Variants in FBN1 observed in about 807,000 individuals in gnomAD.
FBN1 encodes the protein fibrillin 1, also known as fibrillin-1.
In FBN1, 29 loss-of-function variants were observed where a neutral mutation model predicts 365.1. The ratio of observed to expected loss-of-function variants is 0.08; its 90% CI spans 0.06 to 0.11. The LOEUF is 0.11. FBN1 is among the 10% of genes least tolerant of loss of function. The probability of loss-of-function intolerance (pLI) is 1.00; values close to 1 mark genes in which losing one functional copy is unlikely to be tolerated. For missense variants in FBN1, 2,476 were observed against 3,703.2 expected, an observed-to-expected ratio of 0.67 and a Z score of 8.60; for synonymous variants, 1,210 against 1,270.5, an observed-to-expected ratio of 0.95 and a Z score of 1.01.
chr15:48,469,083 TATATATATATAAAATATAATATATATTAC>T (rs1426642214), intron 36 of FBN1, among the ~76,000 whole-genome samples: 56 of 118,734 alleles, frequency 4.7e-4, no homozygotes, highest in African/African-American at 1.1e-3. Flanking sequence ...AAAAAAAATA[TATATATATATAAAATATAATATATATTAC>T]ATATATATAT....
chr15:48,550,281 C>T (rs2044131601), intron 6 of FBN1, among the ~76,000 whole-genome samples: 2 of 152,110 alleles, frequency 1.3e-5, no homozygotes, highest in South Asian at 4.2e-4. Context: ...AAGGGCAGAG[C>T]GTGTAGAAAG....
intron 17 of FBN1, among the ~76,000 whole-genome samples, chr15:48,500,314 A>C (rs2043643658): frequency 6.6e-6 from 1 of 152,248 alleles, no homozygotes; most frequent in Admixed American, 6.5e-5. Context: ...AAATGGAAGC[A>C]AATTATTGTC....
intron 2 of FBN1, among the ~76,000 whole-genome samples, chr15:48,619,974 T>C (rs775873202): frequency 3.0e-4 from 45 of 152,148 alleles, no homozygotes; most frequent in Non-Finnish European, 5.9e-4. Context: ...TTTTAAAAAT[T>C]AAATTAACCT....
Position 48,410,723 on chromosome 15 carries a change from A to G in FBN1, c.*267T>C, listed in dbSNP as rs2042853774. 4.6e-6 allele frequency: 2 copies of G among 436,892 alleles called. No homozygotes were observed. The highest frequency in any genetic ancestry group is 4.0e-5 in the African/African-American group (2 of 49,592). The allele number at this position is 436,892 out of a possible 1,614,324, so 27.1% of individuals were successfully genotyped here. A position where few individuals can be genotyped will look rare whatever the true frequency, so the allele number is the denominator to read the frequency against. On this transcript the variant is annotated 3_prime_UTR_variant, in exon 66 of 66. Coordinates refer to ENST00000316623, the MANE Select transcript of FBN1 (RefSeq NM_000138.5). Reference sequence around the variant, plus strand: ...ATGTCAGCATAAATGGCCAACCCCCAATGGAAATACACGTCCCAGTTTTCA... The same window carrying G: ...ATGTCAGCATAAATGGCCAACCCCCGATGGAAATACACGTCCCAGTTTTCA...
In FBN1 at chr15:48,415,749, C is replaced by T; in HGVS notation, c.7838G>A (p.Ser2613Asn). 2 of 1,614,186 alleles carry T rather than the reference C, an allele frequency of 1.2e-6. No individual in the cohort carries two copies. The highest frequency in any genetic ancestry group is 1.7e-6 in the Non-Finnish European group (2 of 1,179,992). Residue 2613 changes from serine (S) to asparagine (N), a missense_variant, in exon 64 of 66, where the codon AGC (serine) becomes AAC (asparagine). Ser to Asn is a conservative substitution (Grantham distance 46). Around this residue, in one of 5 missense-constraint regions of FBN1, gnomAD observed 1,780 missense variants for 2,840.8 expected, o/e 0.63. Transcript: ENST00000316623. ...GGAGGCTCCTCCGCAGATGTGAGCG[C>T]TGAGGCATTCGTTTTCATCTGCAGG... ...NQCVDENECL[S>N]AHICGGASCH...
intron 9 of FBN1, among the ~76,000 whole-genome samples, chr15:48,524,540 T>C (rs958341862): frequency 6.6e-6 from 1 of 152,204 alleles, no homozygotes; most frequent in African/African-American, 2.4e-5. Flanking sequence ...GATCATTTTG[T>C]ATGACAAGTG....
intron 2 of FBN1, among the ~76,000 whole-genome samples, chr15:48,614,099 G>C (rs2044677433): frequency 1.3e-5 from 2 of 152,136 alleles, no homozygotes; most frequent in Non-Finnish European, 2.9e-5. Flanking sequence ...ACTAAGTAAG[G>C]ATCCAATGAC....
In FBN1 at chr15:48,487,319, C is replaced by T. The variant is rs777442762; in HGVS notation, c.3456G>A (p.Ala1152=). ...PGHQLSPNIS[A]CIDINECELS... is the part of the protein sequence containing the mutation. ...GAAAGTCTTTCTCCTTACCGATACA[C>T]GCGGAGATGTTGGGGGACAGCTGAT... is the stretch of plus-strand genomic sequence containing the variant. Residue 1152 remains alanine (A), a synonymous_variant, in exon 28 of 66, where the codon GCG becomes GCA. Transcript: ENST00000316623. 22 of 1,614,226 alleles carry T rather than the reference C, an allele frequency of 1.4e-5. No homozygotes were observed. The highest frequency in any genetic ancestry group is 1.6e-4 in the Middle Eastern group (1 of 6,062).
At chr15:48,460,669 T>TA (rs2043274143) in intron 42 of FBN1, among the ~76,000 whole-genome samples, 1 of 152,138 alleles carries the variant, frequency 6.6e-6, no homozygotes, top group South Asian at 2.1e-4. Context: ...ACTCTGCATT[T>TA]AGAGATCTAG....
At chr15:48,631,794 GA>G (rs1889994485) in intron 2 of FBN1, among the ~76,000 whole-genome samples, 1 of 152,216 alleles carries the variant, frequency 6.6e-6, no homozygotes, top group Non-Finnish European at 1.5e-5. Flanking sequence ...TACTCCAACA[GA>G]GGCAATTAAA....
rs752872632 is a variant in FBN1 at position 48,421,999 on chromosome 15, G to C, written c.7523C>G (p.Thr2508Arg). ...FLCVNTIGGFTCKCPPGFTQH... is the reference protein window; with the variant it reads ...FLCVNTIGGFRCKCPPGFTQH... ...GGTAAATCCGGGAGGACATTTGCATGTGAAGCCGCCAATGGTGTTAACACA... is the reference window on the plus strand; with the variant it reads ...GGTAAATCCGGGAGGACATTTGCATCTGAAGCCGCCAATGGTGTTAACACA... The change falls in exon 61 of 66, where the codon ACA (threonine) becomes AGA (arginine). Residue 2508 changes from threonine (T) to arginine (R), a missense_variant. Around this residue, in one of 5 missense-constraint regions of FBN1, gnomAD observed 1,780 missense variants for 2,840.8 expected, o/e 0.63. Coordinates refer to ENST00000316623, the MANE Select transcript of FBN1 (RefSeq NM_000138.5). 1 of 1,613,998 alleles carries C rather than the reference G, an allele frequency of 6.2e-7. No individual in the cohort carries two copies. Among genetic ancestry groups the C allele is most frequent in the Non-Finnish European group, 8.5e-7 (1 of 1,179,990 alleles).
At chr15:48,600,317 T>C in intron 4 of FBN1, 83 bp from the exon 5 acceptor site, 5 of 1,001,484 alleles carry the variant, frequency 5.0e-6, no homozygotes, top group Middle Eastern at 4.1e-4. Flanking sequence ...TTGTAGTTAT[T>C]TGAAGAGAAA....
In FBN1 at chr15:48,437,265, A is replaced by C. The variant is rs1458969300; in HGVS notation, c.6379+57T>G. 2.0e-6 allele frequency: 3 copies of C among 1,489,630 alleles called. No homozygotes were observed. In the African/African-American group the frequency reaches 4.1e-5, roughly 21 times the overall value. The allele number at this position is 1,489,630 out of a possible 1,614,324, so 92.3% of individuals were successfully genotyped here. A position where few individuals can be genotyped will look rare whatever the true frequency, so the allele number is the denominator to read the frequency against. On this transcript the variant is annotated intron_variant, in intron 52 of 65. Coordinates refer to ENST00000316623, the MANE Select transcript of FBN1 (RefSeq NM_000138.5). ...GATGGAGAAAAATAAGAATAACTAG[A>C]GAAGAAGCAGATTGAGAATACTGAG...
intron 55 of FBN1, 28 bp from the exon 56 acceptor site, chr15:48,430,830 G>T: frequency 6.2e-7 from 1 of 1,611,210 alleles, no homozygotes; most frequent in East Asian, 2.2e-5. Flanking sequence ...TCACAAATTT[G>T]TCAAAGAAAA....
At position 48,463,184 on chromosome 15, in the gene FBN1, C is replaced by T; in HGVS notation, c.5122G>A (p.Gly1708Arg). ...TTGGTCATGTTGAATAACAATTCTC[C>T]ATCACAGGTCTGGTTGTCAGCATAG... is the stretch of plus-strand genomic sequence containing the variant. ...NYYADNQTCD[G>R]ELLFNMTKKM... Residue 1708 changes from glycine (G) to arginine (R), a missense_variant, in exon 42 of 66, where the codon GGA becomes AGA. By Grantham distance (125) the Gly-to-Arg change is moderately radical. This residue lies in a region of FBN1 where 1,780 missense variants were observed against 2,840.8 expected (regional missense o/e 0.63). Transcript: ENST00000316623. The T allele has an allele frequency of 6.2e-7, 1 of 1,614,060 alleles. No homozygotes were observed. The highest frequency in any genetic ancestry group is 8.5e-7 in the Non-Finnish European group (1 of 1,179,922).
chr15:48,529,474 A>G (rs932413227), intron 8 of FBN1: 3 of 152,030 alleles, frequency 2.0e-5, no homozygotes, highest in African/African-American at 7.3e-5. Flanking sequence ...AAGAGTGTGG[A>G]GGGCAGATGG....
At chr15:48,602,826 G>T (rs771095832) in intron 4 of FBN1, among the ~76,000 whole-genome samples, 2 of 152,148 alleles carry the variant, frequency 1.3e-5, no homozygotes, top group Non-Finnish European at 2.9e-5. Flanking sequence ...TCATGAAAAG[G>T]TGTATAGTTG....
chr15:48,554,338 A>C (rs989078207), intron 6 of FBN1, among the ~76,000 whole-genome samples: 2 of 152,218 alleles, frequency 1.3e-5, no homozygotes, highest in African/African-American at 4.8e-5. Context: ...GTCGAGATTG[A>C]AGCAACGTTC....
At chr15:48,515,618 C>A in intron 11 of FBN1, 91 bp from the exon 12 acceptor site, 1 of 1,541,078 alleles carries the variant, frequency 6.5e-7, no homozygotes, top group South Asian at 1.1e-5. Flanking sequence ...GATGTTGAAT[C>A]AGAAAGGAAA....
Sources: gnomAD v4.1 joint callset for allele counts (sites outside exome capture counted in the v4.1 genomes callset) on GRCh38, gnomAD v4.1.1 for gene constraint, gnomAD v4.1.1 regional missense constraint, MANE v1.5 for transcripts, NCBI Gene and HGNC (gene_info 2026-07-23, HGNC 2026-07-21) for gene names.